The following CACNA2D3 variants were observed in gnomAD, a reference collection of about 807,000 sequenced individuals.
CACNA2D3 encodes the protein voltage-dependent calcium channel subunit alpha-2/delta-3.
Under a neutral mutation model 160.6 loss-of-function variants are expected in CACNA2D3, and 60 were observed. The ratio of observed to expected loss-of-function variants is 0.37; its 90% CI spans 0.30 to 0.46. The LOEUF (loss-of-function observed/expected upper bound fraction) is 0.46, where lower values mean the gene tolerates loss of function less well. Among genes scored for constraint, CACNA2D3 ranks in the 20% least tolerant of loss-of-function variants. The probability of loss-of-function intolerance (pLI) is 1.00; values close to 1 mark genes in which losing one functional copy is unlikely to be tolerated. For synonymous variants in CACNA2D3, 558 were observed against 492.9 expected (o/e 1.13, Z -1.75); for missense variants, 1,205 against 1,365.0 (o/e 0.88, Z 1.85).
At chr3:54,562,306 A>T (rs1559513229) in intron 5 of CACNA2D3, among the ~76,000 whole-genome samples, 2 of 152,184 alleles carry the variant, frequency 1.3e-5, no homozygotes. Flanking sequence ...ATGTAATTTC[A>T]ATTTATTTAT....
At chr3:54,230,251 C>T (rs1432295729) in intron 2 of CACNA2D3, among the ~76,000 whole-genome samples, 4 of 151,714 alleles carry the variant, frequency 2.6e-5, no homozygotes, top group African/African-American at 9.7e-5. Context: ...GAAATTATGC[C>T]AGATTTCATT....
chr3:54,270,398 T>C (rs989322585), intron 2 of CACNA2D3, among the ~76,000 whole-genome samples: 1 of 152,234 alleles, frequency 6.6e-6, no homozygotes, highest in Non-Finnish European at 1.5e-5. Context: ...TTGACACTGC[T>C]CTTGAATATA....
At chr3:54,534,502 A>G (rs1701856898) in intron 5 of CACNA2D3, among the ~76,000 whole-genome samples, 1 of 152,062 alleles carries the variant, frequency 6.6e-6, no homozygotes, top group Non-Finnish European at 1.5e-5. Context: ...GCGATGCTCC[A>G]TCTGCCTGGA....
intron 27 of CACNA2D3, among the ~76,000 whole-genome samples, chr3:54,917,651 G>GT (rs1700694881): frequency 6.6e-6 from 1 of 152,230 alleles, no homozygotes; most frequent in Non-Finnish European, 1.5e-5. Context: ...CATTCCTGCT[G>GT]TAAGAGTTAT....
intron 28 of CACNA2D3, among the ~76,000 whole-genome samples, chr3:54,969,068 A>G (rs1702217037): frequency 6.6e-6 from 1 of 152,114 alleles, no homozygotes; most frequent in African/African-American, 2.4e-5. Flanking sequence ...ACCAAGAATA[A>G]ATGTTAGAAT....
chr3:54,879,504 G>T, intron 20 of CACNA2D3, 93 bp downstream of exon 20: 1 of 929,660 alleles, frequency 1.1e-6, no homozygotes. Flanking sequence ...ATCATCTGAA[G>T]ATAACCAAAC....
At chr3:55,008,772 T>G (rs1290732774) in intron 33 of CACNA2D3, among the ~76,000 whole-genome samples, 1 of 152,048 alleles carries the variant, frequency 6.6e-6, no homozygotes, top group East Asian at 1.9e-4. Context: ...CTTCATCCAC[T>G]GGAGGATAAT....
chr3:54,370,358 A>G (rs909257806), intron 3 of CACNA2D3, among the ~76,000 whole-genome samples: 37 of 152,234 alleles, frequency 2.4e-4, no homozygotes, highest in Admixed American at 2.4e-3. Flanking sequence ...ATATTTATTT[A>G]GCGTTTCTTG....
intron 35 of CACNA2D3, among the ~76,000 whole-genome samples, chr3:55,062,691 T>C (rs1704544130): frequency 6.6e-6 from 1 of 152,174 alleles, no homozygotes; most frequent in South Asian, 2.1e-4. Context: ...TGATTTGAGC[T>C]CCTACTGGGA....
intron 11 of CACNA2D3, among the ~76,000 whole-genome samples, chr3:54,658,231 T>A (rs997369794): frequency 3.3e-5 from 5 of 152,246 alleles, no homozygotes; most frequent in African/African-American, 9.6e-5. Flanking sequence ...ATGGCAGTTT[T>A]ATTTTTTAAT....
At chr3:54,515,284 T>G (rs1025153495) in intron 5 of CACNA2D3, among the ~76,000 whole-genome samples, 3 of 151,652 alleles carry the variant, frequency 2.0e-5, no homozygotes, top group Non-Finnish European at 2.9e-5. Flanking sequence ...TTCAGGAAAT[T>G]AATAGCGCTG....
chr3:54,204,130 T>C (rs1304393298), intron 2 of CACNA2D3, among the ~76,000 whole-genome samples: 2 of 152,186 alleles, frequency 1.3e-5, no homozygotes, highest in South Asian at 2.1e-4. Context: ...ATTTCTACCA[T>C]TGGGTCCTCT....
intron 5 of CACNA2D3, among the ~76,000 whole-genome samples, chr3:54,547,073 T>A (rs1702076659): frequency 6.6e-6 from 1 of 152,136 alleles, no homozygotes; most frequent in South Asian, 2.1e-4. Context: ...TCATTTGGTC[T>A]CATTTAATTT....
In CACNA2D3 at chr3:55,067,096, T is replaced by TTTGG. The variant is rs1283220266; in HGVS notation, c.2988-6349_2988-6348insTTGG. 3.5e-5 allele frequency among the ~76,000 whole-genome samples: 5 copies of TTTGG among 141,716 alleles called. No individual in the cohort carries two copies. In the East Asian group the frequency reaches 1.2e-3, roughly 33 times the overall value. 93.0% of individuals were successfully genotyped at this position (141,716 alleles called of 152,430 possible). On this transcript the variant is annotated intron_variant, in intron 35 of 37. Transcript: ENST00000474759. The stretch of plus-strand genomic sequence containing the variant: ...GTTAATCTTTCCGCTGGCAATCTTT[T>TTTGG]GTAGCGGGGGGGGCTTTTCTCCTCT...
At chr3:54,912,678 C>T (rs931075147) in intron 27 of CACNA2D3, among the ~76,000 whole-genome samples, 5 of 152,072 alleles carry the variant, frequency 3.3e-5, no homozygotes, top group Non-Finnish European at 7.4e-5. Context: ...TCCATATCCC[C>T]AGCGTTCTCT....
At chr3:55,028,239 C>T (rs371633129) in intron 35 of CACNA2D3, among the ~76,000 whole-genome samples, 55 of 152,228 alleles carry the variant, frequency 3.6e-4, no homozygotes, top group Non-Finnish European at 6.0e-4. Context: ...ATAGCATAGA[C>T]AGATCTGTTA....
chr3:54,685,273 T>C, intron 11 of CACNA2D3, among the ~76,000 whole-genome samples: 1 of 152,236 alleles, frequency 6.6e-6, no homozygotes, highest in East Asian at 1.9e-4. Context: ...TCAAAGTTTT[T>C]CTGCAAAGTG....
intron 27 of CACNA2D3, among the ~76,000 whole-genome samples, chr3:54,950,920 A>T (rs778511504): frequency 2.0e-5 from 3 of 152,182 alleles, no homozygotes; most frequent in African/African-American, 4.8e-5. Flanking sequence ...AATAAAGAGG[A>T]TACTCTCTGG....
intron 2 of CACNA2D3, among the ~76,000 whole-genome samples, chr3:54,264,031 C>T (rs982146050): frequency 2.6e-5 from 4 of 152,156 alleles, no homozygotes; most frequent in African/African-American, 9.7e-5. Flanking sequence ...TCCATACAGG[C>T]AGAAGGAAGA....
Sources: gnomAD v4.1 joint callset for allele counts (sites outside exome capture counted in the v4.1 genomes callset) on GRCh38, gnomAD v4.1.1 for gene constraint, MANE v1.5 for transcripts, NCBI Gene and HGNC (gene_info 2026-07-23, HGNC 2026-07-21) for gene names.